The following FSTL5 variants were observed in gnomAD, a reference collection of about 807,000 sequenced individuals.
FSTL5 encodes follistatin-related protein 5.
A neutral mutation model predicts 89.1 loss-of-function variants in FSTL5; 62 were observed. That is an observed-to-expected ratio of 0.70 (90% CI 0.57 to 0.86). The LOEUF is 0.86. Ranked by LOEUF, FSTL5 falls within the 40% of genes least tolerant of loss-of-function variation. The probability of loss-of-function intolerance (pLI) is 0.00; values close to 1 mark genes in which losing one functional copy is unlikely to be tolerated. For missense variants in FSTL5, 1,057 were observed against 1,001.6 expected (o/e 1.06, Z -0.75); for synonymous variants, 383 against 346.2 (o/e 1.11, Z -1.18).
At chr4:161,944,126 T>C (rs1317439380) in intron 3 of FSTL5, among the ~76,000 whole-genome samples, 1 of 152,196 alleles carries the variant, frequency 6.6e-6, no homozygotes, top group Non-Finnish European at 1.5e-5. Flanking sequence ...GAAACTCTGC[T>C]GAGTTATCTA....
At chr4:162,079,419 A>C (rs1729998347) in intron 2 of FSTL5, among the ~76,000 whole-genome samples, 1 of 151,690 alleles carries the variant, frequency 6.6e-6, no homozygotes, top group Non-Finnish European at 1.5e-5. Context: ...TGTTTCACAA[A>C]AAGAAAGACA....
chr4:161,965,782 G>A (rs1323577681), intron 3 of FSTL5, among the ~76,000 whole-genome samples: 2 of 151,980 alleles, frequency 1.3e-5, no homozygotes, highest in Non-Finnish European at 2.9e-5. Flanking sequence ...AAGACGGCAG[G>A]GATTGTCATT....
intron 7 of FSTL5, among the ~76,000 whole-genome samples, chr4:161,646,591 C>T (rs1736162161): frequency 6.6e-6 from 1 of 151,958 alleles, no homozygotes; most frequent in South Asian, 2.1e-4. Flanking sequence ...TGCTAGCTAG[C>T]TATGCACTGC....
At chr4:161,388,897 C>G (rs1730731557) in intron 15 of FSTL5, among the ~76,000 whole-genome samples, 1 of 152,040 alleles carries the variant, frequency 6.6e-6, no homozygotes, top group South Asian at 2.1e-4. Context: ...GTGATACAAT[C>G]TAGCTACTTT....
chr4:161,871,515 A>G (rs1358226752), intron 4 of FSTL5, among the ~76,000 whole-genome samples: 1 of 152,146 alleles, frequency 6.6e-6, no homozygotes, highest in Non-Finnish European at 1.5e-5. Context: ...ATAGGTACCT[A>G]GTTTCATTTT....
intron 10 of FSTL5, among the ~76,000 whole-genome samples, chr4:161,534,440 G>T (rs1167374385): frequency 6.6e-6 from 1 of 152,026 alleles, no homozygotes; most frequent in Non-Finnish European, 1.5e-5. Flanking sequence ...TTCCATTGTA[G>T]TTGAGAACCA....
chr4:161,701,059 T>C (rs1738370614), intron 6 of FSTL5, among the ~76,000 whole-genome samples: 1 of 152,196 alleles, frequency 6.6e-6, no homozygotes, highest in African/African-American at 2.4e-5. Context: ...GAATTAAGCT[T>C]TTATTCTTTT....
At chr4:161,888,702 T>A (rs1732891573) in intron 4 of FSTL5, among the ~76,000 whole-genome samples, 1 of 152,062 alleles carries the variant, frequency 6.6e-6, no homozygotes, top group Non-Finnish European at 1.5e-5. Flanking sequence ...ATTTCAGTAA[T>A]CAACTTTTAT....
chr4:161,758,308 G>A (rs72977176), intron 6 of FSTL5, among the ~76,000 whole-genome samples: 12,297 of 151,748 alleles, frequency 0.081, 953 homozygotes, highest in African/African-American at 0.2. Context: ...ACACAAGTAC[G>A]TATTCTACTT....
At position 162,014,481 on chromosome 4, in the gene FSTL5, T is replaced by TTAAC. The variant is rs544905750; in HGVS notation, c.160+19143_160+19144insGTTA. Among the ~76,000 whole-genome samples, 1,427 of 145,754 alleles carry TTAAC rather than the reference T, an allele frequency of 9.8e-3. 15 individuals are homozygous for TTAAC. Among genetic ancestry groups the TTAAC allele is most frequent in the African/African-American group, 0.032 (1,328 of 41,052 alleles). ...TATTCAGAGATTTGAAAAATAATAA[T>TTAAC]TTAGATGATGATGTTATAGTTAGTT... On this transcript the variant is annotated intron_variant, in intron 3 of 15. Transcript: ENST00000306100.
chr4:161,935,368 T>C (rs552007755), intron 3 of FSTL5, among the ~76,000 whole-genome samples: 2 of 152,260 alleles, frequency 1.3e-5, no homozygotes, highest in Admixed American at 6.5e-5. Context: ...TCCTCAACAA[T>C]GGGTGCTCAA....
At chr4:162,103,059 T>A (rs190569429) in intron 2 of FSTL5, among the ~76,000 whole-genome samples, 1 of 152,110 alleles carries the variant, frequency 6.6e-6, no homozygotes, top group African/African-American at 2.4e-5. Context: ...TACAGATCTA[T>A]AATAATCATA....
chr4:161,556,800 G>A (rs1208137702), intron 8 of FSTL5, among the ~76,000 whole-genome samples: 2 of 146,016 alleles, frequency 1.4e-5, no homozygotes, highest in African/African-American at 2.5e-5. Context: ...AACTTAGTTC[G>A]TATTTCTCGG....
intron 2 of FSTL5, among the ~76,000 whole-genome samples, chr4:162,051,116 G>T (rs569602527): frequency 6.6e-6 from 1 of 151,598 alleles, no homozygotes; most frequent in Non-Finnish European, 1.5e-5. Context: ...ATGTGTATGT[G>T]TACTTGGTTC....
At chr4:161,777,698 G>A (rs1348284604) in intron 4 of FSTL5, among the ~76,000 whole-genome samples, 1 of 151,998 alleles carries the variant, frequency 6.6e-6, no homozygotes, top group African/African-American at 2.4e-5. Flanking sequence ...GCTTACTGAA[G>A]CAAGACTGTG....
At chr4:161,597,072 T>G (rs565381237) in intron 7 of FSTL5, among the ~76,000 whole-genome samples, 182 of 152,254 alleles carry the variant, frequency 1.2e-3, no homozygotes, top group Non-Finnish European at 2.3e-3. Flanking sequence ...TTGTTGCCAT[T>G]GCTTTTGGTG....
At chr4:161,735,439 C>T (rs189168921) in intron 6 of FSTL5, among the ~76,000 whole-genome samples, 2 of 152,120 alleles carry the variant, frequency 1.3e-5, no homozygotes, top group East Asian at 3.9e-4. Flanking sequence ...CTTTCTCCTC[C>T]CCAGAGGCTT....
intron 6 of FSTL5, among the ~76,000 whole-genome samples, chr4:161,663,617 T>C (rs919957460): frequency 6.6e-6 from 1 of 152,156 alleles, no homozygotes; most frequent in African/African-American, 2.4e-5. Context: ...TTTCACAGGC[T>C]GGTATTGAAT....
At chr4:162,121,950 A>G (rs13110150) in intron 1 of FSTL5, among the ~76,000 whole-genome samples, 51,646 of 151,778 alleles carry the variant, frequency 0.34, 9,063 homozygotes, top group African/African-American at 0.42. Flanking sequence ...TCTTAATAAC[A>G]TTTCTTTTCT....
Sources: allele counts gnomAD v4.1 joint callset (sites outside exome capture counted in the v4.1 genomes callset), GRCh38; gene constraint gnomAD v4.1.1; transcripts MANE v1.5; gene names NCBI Gene and HGNC (gene_info 2026-07-23, HGNC 2026-07-21).